ST8SIA1: variants seen among roughly 807,000 people sequenced by gnomAD.
ST8SIA1 encodes ST8 alpha-N-acetyl-neuraminide alpha-2,8-sialyltransferase 1.
In ST8SIA1, 16 loss-of-function variants were observed where a neutral mutation model predicts 35.9. The ratio of observed to expected loss-of-function variants is 0.45; its 90% CI spans 0.30 to 0.68. ST8SIA1 has a LOEUF of 0.68. Among genes scored for constraint, ST8SIA1 ranks in the 30% least tolerant of loss-of-function variants. The pLI is 0.09. For missense variants in ST8SIA1, 383 were observed against 453.6 expected (o/e 0.84, Z 1.41); for synonymous variants, 170 against 169.6 (o/e 1.00, Z -0.02).
rs543585277 is a variant in ST8SIA1 at position 22,240,184 on chromosome 12, G to A, written c.584+8822C>T. On this transcript the variant is annotated intron_variant, in intron 4 of 4. Coordinates refer to ENST00000396037, the MANE Select transcript of ST8SIA1 (RefSeq NM_003034.4). Reference sequence around the variant, plus strand: ...ATTTATATCTCTCAACAGTCCCCAAGGTAAATAATATTTATACTCAATTGA... The same window carrying A: ...ATTTATATCTCTCAACAGTCCCCAAAGTAAATAATATTTATACTCAATTGA... Among the ~76,000 whole-genome samples the A allele has an allele frequency of 2.0e-4, 30 of 151,974 alleles. No homozygotes were observed. The East Asian group carries it at 4.1e-3, about 21-fold the overall frequency.
At chr12:22,275,480 G>A (rs3819871) in intron 2 of ST8SIA1, among the ~76,000 whole-genome samples, 8,197 of 152,170 alleles carry the variant, frequency 0.054, 327 homozygotes, top group East Asian at 0.15. Context: ...CTTGAGCCCC[G>A]GGGGCAGAGG....
At chr12:22,286,220 A>T (rs1271520520) in intron 2 of ST8SIA1, among the ~76,000 whole-genome samples, 3 of 152,214 alleles carry the variant, frequency 2.0e-5, no homozygotes, top group Non-Finnish European at 4.4e-5. Context: ...AAGACCATTA[A>T]ACTAGACTAA....
chr12:22,254,928 C>A (rs551774966), intron 3 of ST8SIA1, among the ~76,000 whole-genome samples: 1 of 152,300 alleles, frequency 6.6e-6, no homozygotes, highest in South Asian at 2.1e-4. Context: ...AGCATTTATT[C>A]ATAGAGAGTG....
intron 4 of ST8SIA1, among the ~76,000 whole-genome samples, chr12:22,228,491 A>C (rs1343509477): frequency 6.6e-6 from 1 of 152,246 alleles, no homozygotes; most frequent in Non-Finnish European, 1.5e-5. Context: ...TTTCACCAGA[A>C]TGGCACATAC....
At chr12:22,273,548 G>A (rs1364857665) in intron 2 of ST8SIA1, among the ~76,000 whole-genome samples, 2 of 152,102 alleles carry the variant, frequency 1.3e-5, no homozygotes, top group African/African-American at 4.8e-5. Flanking sequence ...TCCTGGTCAT[G>A]AGACAAGAAC....
At chr12:22,203,391 C>T (rs1485047007) in intron 4 of ST8SIA1, among the ~76,000 whole-genome samples, 2 of 152,096 alleles carry the variant, frequency 1.3e-5, no homozygotes, top group African/African-American at 2.4e-5. Flanking sequence ...TTGGCAGGCT[C>T]ATCATAATTA....
At chr12:22,234,153 G>A (rs545577211) in intron 4 of ST8SIA1, among the ~76,000 whole-genome samples, 2 of 151,740 alleles carry the variant, frequency 1.3e-5, no homozygotes, top group South Asian at 2.1e-4. Flanking sequence ...CCAGCTACTC[G>A]GGAGGCTGAG....
At position 22,197,915 on chromosome 12, in the gene ST8SIA1, G is replaced by C. The variant is rs1303950461; in HGVS notation, c.*3637C>G. ...CCTTAACTTCTTGTATGAGAATTAT[G>C]CAGTTTAGATGTGCAATTTTGTATA... On this transcript the variant is annotated 3_prime_UTR_variant, in exon 5 of 5. Transcript: ENST00000396037. The C allele has an allele frequency of 6.6e-6, 1 of 152,134 alleles. No individual in the cohort carries two copies. Among genetic ancestry groups the C allele is most frequent in the Non-Finnish European group, 1.5e-5 (1 of 68,006 alleles). 9.4% of individuals were successfully genotyped at this position (152,134 alleles called of 1,614,324 possible). A position where few individuals can be genotyped will look rare whatever the true frequency, so the allele number is the denominator to read the frequency against.
chr12:22,317,422 C>A (rs1276713609), intron 1 of ST8SIA1, among the ~76,000 whole-genome samples: 1 of 152,174 alleles, frequency 6.6e-6, no homozygotes, highest in East Asian at 1.9e-4. Flanking sequence ...AGCTGGAGGG[C>A]TCTAGCTCAA....
intron 1 of ST8SIA1, among the ~76,000 whole-genome samples, chr12:22,316,749 ACT>A (rs905280083): frequency 2.6e-5 from 4 of 152,162 alleles, no homozygotes; most frequent in African/African-American, 9.7e-5. Flanking sequence ...AATAAAGAAC[ACT>A]TAGTATCAAA....
intron 2 of ST8SIA1, among the ~76,000 whole-genome samples, chr12:22,265,229 G>A (rs1452950236): frequency 1.3e-5 from 2 of 152,162 alleles, no homozygotes; most frequent in Non-Finnish European, 2.9e-5. Context: ...TTTTCATGAT[G>A]GAAAGGGAAG....
intron 2 of ST8SIA1, among the ~76,000 whole-genome samples, chr12:22,275,370 C>T (rs896486324): frequency 6.6e-6 from 1 of 152,174 alleles, no homozygotes; most frequent in Non-Finnish European, 1.5e-5. Context: ...GCCTGGCCAA[C>T]ATGGTGAAAC....
Position 22,334,553 on chromosome 12 carries a change from C to T in ST8SIA1, c.-321G>A. ...AGAGAGCGGCGGCGGCGAGTCGCTC[C>T]CGCCGGTTCTGCAGCATCACGGTCG... On this transcript the variant is annotated 5_prime_UTR_variant, in exon 1 of 5. Coordinates refer to ENST00000396037, the MANE Select transcript of ST8SIA1 (RefSeq NM_003034.4). 1 of 405,238 alleles carries T rather than the reference C, an allele frequency of 2.5e-6. No individual in the cohort carries two copies. The allele number at this position is 405,238 out of a possible 1,614,324, so 25.1% of individuals were successfully genotyped here. A position where few individuals can be genotyped will look rare whatever the true frequency, so the allele number is the denominator to read the frequency against.
chr12:22,287,930 C>G (rs1275045745), intron 1 of ST8SIA1, among the ~76,000 whole-genome samples: 1 of 152,162 alleles, frequency 6.6e-6, no homozygotes, highest in African/African-American at 2.4e-5. Context: ...TTTTGGTTCT[C>G]ACTTTGGCCT....
chr12:22,225,816 C>A lies in ST8SIA1; in HGVS notation c.584+23190G>T, dbSNP rs113167820. Among the ~76,000 whole-genome samples the A allele has an allele frequency of 3.5e-3, 528 of 152,204 alleles. 7 individuals are homozygous for A. Among genetic ancestry groups the A allele is most frequent in the African/African-American group, 0.012 (497 of 41,528 alleles). Reference sequence around the variant, plus strand: ...AACAAGAACCACTGTTTGCTCAAATCAACTTTTTAAAATTTTAGTGTACCT... The same window carrying A: ...AACAAGAACCACTGTTTGCTCAAATAAACTTTTTAAAATTTTAGTGTACCT... On this transcript the variant is annotated intron_variant, in intron 4 of 4. Transcript: ENST00000396037.
At chr12:22,257,567 T>C (rs895949652) in intron 2 of ST8SIA1, among the ~76,000 whole-genome samples, 15 of 151,644 alleles carry the variant, frequency 9.9e-5, no homozygotes, top group Non-Finnish European at 1.6e-4. Flanking sequence ...AGGAGTTCAA[T>C]TTGTGAGCAA....
intron 1 of ST8SIA1, chr12:22,325,678 G>T: frequency 1.7e-6 from 1 of 605,382 alleles, no homozygotes; most frequent in Non-Finnish European, 2.9e-6. Flanking sequence ...CCTATATACC[G>T]TTTTTTCCTA....
intron 4 of ST8SIA1, among the ~76,000 whole-genome samples, chr12:22,233,657 A>G (rs1865443233): frequency 6.8e-6 from 1 of 148,134 alleles, no homozygotes; most frequent in Non-Finnish European, 1.5e-5. Flanking sequence ...ACTACTTCTC[A>G]AAAAAAAAAG....
chr12:22,298,979 T>A (rs1021278766), intron 1 of ST8SIA1, among the ~76,000 whole-genome samples: 2 of 152,024 alleles, frequency 1.3e-5, no homozygotes, highest in Admixed American at 6.6e-5. Flanking sequence ...ACGGAATGAA[T>A]CATTTGACAA....
Sources: allele counts gnomAD v4.1 joint callset (sites outside exome capture counted in the v4.1 genomes callset), GRCh38; gene constraint gnomAD v4.1.1; transcripts MANE v1.5; gene names NCBI Gene and HGNC (gene_info 2026-07-23, HGNC 2026-07-21).